The following RALYL variants were observed in gnomAD, a reference collection of about 807,000 sequenced individuals.
RALYL encodes RALY RNA binding protein like.
Under a neutral mutation model 35.1 loss-of-function variants are expected in RALYL, and 29 were observed. The observed-to-expected ratio is 0.83, with a 90% CI of 0.61 to 1.13. The LOEUF is 1.13. RALYL is among the 50% of genes most tolerant of loss of function. The pLI, the probability that RALYL is intolerant of heterozygous loss-of-function variation, is 0.00. For missense variants in RALYL, 359 were observed against 360.4 expected (o/e 1.00, Z 0.03); for synonymous variants, 120 against 127.6 (o/e 0.94, Z 0.40).
chr8:84,841,062 A>G (rs1471906838), intron 4 of RALYL, among the ~76,000 whole-genome samples: 1 of 152,238 alleles, frequency 6.6e-6, no homozygotes, highest in Admixed American at 6.5e-5. Context: ...GCATCAACTA[A>G]TGAGCAAAAT....
At chr8:84,773,396 A>G (rs976656566) in intron 2 of RALYL, among the ~76,000 whole-genome samples, 2 of 152,190 alleles carry the variant, frequency 1.3e-5, no homozygotes, top group Non-Finnish European at 1.5e-5. Context: ...TGTCAAAATA[A>G]TATCCCTCAT....
At chr8:84,907,267 T>G (rs894080746) in intron 8 of RALYL, among the ~76,000 whole-genome samples, 1 of 149,828 alleles carries the variant, frequency 6.7e-6, no homozygotes, top group African/African-American at 2.5e-5. Flanking sequence ...GGAAAACAGC[T>G]TATCTTTAAA....
At chr8:84,396,664 T>C (rs1291785937) in intron 1 of RALYL, among the ~76,000 whole-genome samples, 1 of 152,140 alleles carries the variant, frequency 6.6e-6, no homozygotes, top group Non-Finnish European at 1.5e-5. Context: ...GTCTTACCTA[T>C]ATTAGTAATG....
chr8:84,701,728 C>T (rs571272155), intron 2 of RALYL, among the ~76,000 whole-genome samples: 1 of 152,228 alleles, frequency 6.6e-6, no homozygotes, highest in Admixed American at 6.5e-5. Context: ...TCTGTCATCC[C>T]AAGTCAGCTC....
chr8:84,673,837 T>C (rs1833712527), intron 2 of RALYL, among the ~76,000 whole-genome samples: 1 of 152,126 alleles, frequency 6.6e-6, no homozygotes, highest in Admixed American at 6.6e-5. Flanking sequence ...GTTTCTTTTG[T>C]TTAGGATTGA....
At chr8:84,786,317 G>A (rs535075558) in intron 3 of RALYL, among the ~76,000 whole-genome samples, 1 of 152,196 alleles carries the variant, frequency 6.6e-6, no homozygotes, top group Admixed American at 6.5e-5. Flanking sequence ...ATAATAGAAC[G>A]ATTTCTATTC....
rs1199842281 is a variant in RALYL, at chr8:84,183,306, T to A, written c.-1142T>A. ...AGGCAGCCTCGCCGCGAGCTGCCGCTGCCGCTGCTGCCGCCACTGGTGTTG... is the reference window on the plus strand; with the variant it reads ...AGGCAGCCTCGCCGCGAGCTGCCGCAGCCGCTGCTGCCGCCACTGGTGTTG... On this transcript the variant is annotated 5_prime_UTR_variant, in exon 1 of 9. Coordinates refer to ENST00000521268, the MANE Select transcript of RALYL (RefSeq NM_173848.7). 1 of 153,950 alleles carries A rather than the reference T, an allele frequency of 6.5e-6. No individual in the cohort carries two copies. Among genetic ancestry groups the A allele is most frequent in the Non-Finnish European group, 1.5e-5 (1 of 68,900 alleles). 9.5% of individuals were successfully genotyped at this position (153,950 alleles called of 1,614,324 possible). A position where few individuals can be genotyped will look rare whatever the true frequency, so the allele number is the denominator to read the frequency against.
intron 1 of RALYL, among the ~76,000 whole-genome samples, chr8:84,232,795 A>G (rs915261788): frequency 6.6e-6 from 1 of 152,144 alleles, no homozygotes; most frequent in South Asian, 2.1e-4. Context: ...TGATTATATT[A>G]TATTAATATC....
At chr8:84,231,750 C>G (rs890042997) in intron 1 of RALYL, among the ~76,000 whole-genome samples, 4 of 152,144 alleles carry the variant, frequency 2.6e-5, no homozygotes, top group Non-Finnish European at 5.9e-5. Flanking sequence ...CCATCAAACT[C>G]TTTCAAAGTA....
intron 1 of RALYL, among the ~76,000 whole-genome samples, chr8:84,416,685 T>C (rs2044742347): frequency 6.6e-6 from 1 of 152,204 alleles, no homozygotes; most frequent in Non-Finnish European, 1.5e-5. Flanking sequence ...TTTCCTAATT[T>C]GTCTTATTAT....
At chr8:84,455,500 C>G (rs2050032129) in intron 1 of RALYL, among the ~76,000 whole-genome samples, 1 of 151,950 alleles carries the variant, frequency 6.6e-6, no homozygotes, top group Non-Finnish European at 1.5e-5. Context: ...CCAAATTGCT[C>G]AGATTTTGGT....
chr8:84,472,210 T>C (rs1222319918), intron 1 of RALYL, among the ~76,000 whole-genome samples: 2 of 152,212 alleles, frequency 1.3e-5, no homozygotes, highest in Non-Finnish European at 2.9e-5. Context: ...TTATTCATTA[T>C]TCAGAACTTC....
intron 5 of RALYL, among the ~76,000 whole-genome samples, chr8:84,857,169 G>C (rs1837228852): frequency 1.3e-5 from 2 of 152,156 alleles, no homozygotes; most frequent in South Asian, 4.1e-4. Context: ...GAAAAGGAAG[G>C]CTGGAGGTTG....
intron 1 of RALYL, among the ~76,000 whole-genome samples, chr8:84,259,603 C>G (rs749403826): frequency 2.0e-5 from 3 of 152,094 alleles, no homozygotes; most frequent in Admixed American, 6.6e-5. Context: ...CAAGTTTGCA[C>G]ATTTTGGGGG....
rs1843132420 is a variant in RALYL at position 84,887,681 on chromosome 8, A to G, written c.763A>G (p.Thr255Ala). Residue 255 changes from threonine (T) to alanine (A), a missense_variant, in exon 8 of 9, where the codon ACA becomes GCA. Coordinates refer to ENST00000521268, the MANE Select transcript of RALYL (RefSeq NM_173848.7). ...TGTGTCAGAGATTGCAGATCACTCT[A>G]CAGAGGAGCCTGCTGAAGGAGGGCC... ...ECVSEIADHS[T>A]EEPAEGGPDA... The G allele has an allele frequency of 1.2e-6, 2 of 1,613,718 alleles. No individual in the cohort carries two copies. The highest frequency in any genetic ancestry group is 1.7e-6 in the Non-Finnish European group (2 of 1,179,778).
chr8:84,296,623 ATTTTTTTTTT>A (rs397891420), intron 1 of RALYL, among the ~76,000 whole-genome samples: 60 of 76,676 alleles, frequency 7.8e-4, no homozygotes, highest in Middle Eastern at 0.02. Flanking sequence ...TCTCTCTTGC[ATTTTTTTTTT>A]TTTTTTTTTT....
chr8:84,501,109 G>T (rs1343684398), intron 1 of RALYL, among the ~76,000 whole-genome samples: 4 of 152,070 alleles, frequency 2.6e-5, no homozygotes, highest in African/African-American at 9.7e-5. Flanking sequence ...CATTAAATGT[G>T]CTTTATATGT....
rs560720576 is a variant in RALYL at position 84,436,952 on chromosome 8, G to A, written c.-23-92347G>A. On this transcript the variant is annotated intron_variant, in intron 1 of 8. Transcript: ENST00000521268. Reference sequence around the variant, plus strand: ...CATGGGTATAATGAGTGATGCTGGGGTTGCTGCGATTGAACCTGTCACCCA... The same window carrying A: ...CATGGGTATAATGAGTGATGCTGGGATTGCTGCGATTGAACCTGTCACCCA... 3.3e-5 allele frequency among the ~76,000 whole-genome samples: 5 copies of A among 152,070 alleles called. No individual in the cohort carries two copies. The East Asian group carries it at 9.7e-4, about 30-fold the overall frequency.
intron 2 of RALYL, among the ~76,000 whole-genome samples, chr8:84,731,824 A>T (rs776605424): frequency 6.6e-6 from 1 of 152,166 alleles, no homozygotes; most frequent in Non-Finnish European, 1.5e-5. Context: ...AGTGACCAAA[A>T]GATATTTCAT....
Sources: gnomAD v4.1 joint callset for allele counts (sites outside exome capture counted in the v4.1 genomes callset) on GRCh38, gnomAD v4.1.1 for gene constraint, MANE v1.5 for transcripts, NCBI Gene and HGNC (gene_info 2026-07-23, HGNC 2026-07-21) for gene names.